Variants in TBC1D22B observed in about 807,000 individuals in gnomAD.
The protein encoded by TBC1D22B is chromosome 6 open reading frame 197.
Under a neutral mutation model 69.1 loss-of-function variants are expected in TBC1D22B, and 32 were observed. The observed-to-expected ratio is 0.46, with a 90% confidence interval of 0.35 to 0.62. The LOEUF is 0.62. Ranked by LOEUF, TBC1D22B falls within the 20% of genes least tolerant of loss-of-function variation. The pLI is 0.00. For missense variants in TBC1D22B, 462 were observed against 630.9 expected, an observed-to-expected ratio of 0.73 and a Z score of 2.87; for synonymous variants, 206 against 229.8, an observed-to-expected ratio of 0.90 and a Z score of 0.94.
At chr6:37,280,227 T>C (rs530582042) in intron 3 of TBC1D22B, among the ~76,000 whole-genome samples, 99 of 152,298 alleles carry the variant, frequency 6.5e-4, no homozygotes, top group African/African-American at 2.0e-3. Flanking sequence ...TTTATTAGCT[T>C]TTGGGGACTC....
At chr6:37,329,748 T>C (rs1768529179) in intron 12 of TBC1D22B, among the ~76,000 whole-genome samples, 1 of 152,196 alleles carries the variant, frequency 6.6e-6, no homozygotes, top group African/African-American at 2.4e-5. Flanking sequence ...CTTCAACACA[T>C]GCTTTAACTT....
In TBC1D22B at chr6:37,332,545, C is replaced by T. The variant is rs1260327315; in HGVS notation, c.*1373C>T. On this transcript the variant is annotated 3_prime_UTR_variant, in exon 13 of 13. Transcript: ENST00000373491. ...CAGCACTCCATATCCCTTACTGTCA[C>T]CTTCACTCCCCACACAGCTCATGAG... The T allele has an allele frequency of 6.6e-6, 1 of 152,506 alleles. No homozygotes were observed. Among genetic ancestry groups the T allele is most frequent in the East Asian group, 1.9e-4 (1 of 5,192 alleles). The allele number at this position is 152,506 out of a possible 1,614,324, so 9.4% of individuals were successfully genotyped here.
At chr6:37,312,008 T>C (rs998769553) in intron 8 of TBC1D22B, among the ~76,000 whole-genome samples, 4 of 152,250 alleles carry the variant, frequency 2.6e-5, no homozygotes, top group African/African-American at 9.6e-5. Context: ...AGGCTGCTTA[T>C]GTTTTCCTCA....
At chr6:37,277,333 C>G (rs759733383) in intron 2 of TBC1D22B, among the ~76,000 whole-genome samples, 19 of 152,202 alleles carry the variant, frequency 1.2e-4, no homozygotes, top group African/African-American at 4.3e-4. Flanking sequence ...GACAGCGAAT[C>G]CCCTGAGGTG....
intron 8 of TBC1D22B, among the ~76,000 whole-genome samples, chr6:37,301,422 G>A (rs1441564648): frequency 2.0e-5 from 3 of 151,970 alleles, no homozygotes; most frequent in Admixed American, 2.0e-4. Context: ...TGTATCCCTG[G>A]GCAACCACTA....
intron 8 of TBC1D22B, among the ~76,000 whole-genome samples, chr6:37,297,266 G>A (rs1211961951): frequency 6.6e-6 from 1 of 152,148 alleles, no homozygotes; most frequent in South Asian, 2.1e-4. Context: ...TCAGAGCTGC[G>A]TATTATAGTT....
rs1303659354 is a variant in TBC1D22B, at chr6:37,316,825, T to C, written c.1288T>C (p.Tyr430His). ...CTGCACCATCCGCCTGTGGGACACA[T>C]ATCAGGTAGGAGGGATTCCCCGGCC... ...LRCTIRLWDTYQSEPEGFSHF... is the reference protein window; with the variant it reads ...LRCTIRLWDTHQSEPEGFSHF... Residue 430 changes from tyrosine to histidine, a missense_variant, in exon 11 of 13, where the codon TAT (tyrosine) becomes CAT (histidine). Tyr to His is a moderately conservative substitution (Grantham distance 83, BLOSUM62 2). Coordinates refer to ENST00000373491, the MANE Select transcript of TBC1D22B (RefSeq NM_017772.4). 3 of 1,614,052 alleles carry C rather than the reference T, an allele frequency of 1.9e-6. No individual in the cohort carries two copies. Among genetic ancestry groups the C allele is most frequent in the South Asian group, 1.1e-5 (1 of 91,086 alleles).
chr6:37,287,133 T>C (rs1767031308), intron 7 of TBC1D22B, 61 bp downstream of exon 7: 1 of 1,425,356 alleles, frequency 7.0e-7, no homozygotes, highest in Non-Finnish European at 9.6e-7. Context: ...GGCACCTGTT[T>C]ACAGGTTTGC....
intron 8 of TBC1D22B, among the ~76,000 whole-genome samples, chr6:37,295,045 CAATT>C (rs1481823820): frequency 6.6e-6 from 1 of 152,124 alleles, no homozygotes; most frequent in African/African-American, 2.4e-5. Context: ...TACATAAACT[CAATT>C]AGTAAAGCAG....
chr6:37,266,007 C>G (rs1766259750), intron 1 of TBC1D22B, among the ~76,000 whole-genome samples: 1 of 152,200 alleles, frequency 6.6e-6, no homozygotes, highest in African/African-American at 2.4e-5. Flanking sequence ...TTCTTGGGCA[C>G]TGAGTGTTTG....
intron 2 of TBC1D22B, among the ~76,000 whole-genome samples, chr6:37,276,837 G>A (rs530212299): frequency 6.6e-6 from 1 of 152,238 alleles, no homozygotes; most frequent in South Asian, 2.1e-4. Flanking sequence ...GTTGCAGTGA[G>A]CCTAGATCGC....
chr6:37,289,410 A>AT (rs1410732646), intron 7 of TBC1D22B, among the ~76,000 whole-genome samples: 3 of 152,186 alleles, frequency 2.0e-5, no homozygotes, highest in Non-Finnish European at 2.9e-5. Flanking sequence ...CGAACATCCC[A>AT]TGGTCTCCCC....
intron 12 of TBC1D22B, among the ~76,000 whole-genome samples, chr6:37,318,093 C>T (rs1242333040): frequency 6.6e-6 from 1 of 152,128 alleles, no homozygotes; most frequent in African/African-American, 2.4e-5. Context: ...TTCAGTAGGG[C>T]CACCCTGGCT....
At chr6:37,295,721 G>A (rs552046273) in intron 8 of TBC1D22B, 1 of 328,728 alleles carries the variant, frequency 3.0e-6, no homozygotes, top group Non-Finnish European at 6.0e-6. Context: ...TCGATTCCCT[G>A]GTCTCTTCCC....
intron 8 of TBC1D22B, chr6:37,295,603 A>G (rs1055992751): frequency 9.1e-6 from 4 of 438,338 alleles, no homozygotes; most frequent in South Asian, 5.7e-5. Flanking sequence ...TAAGAGAAAC[A>G]CAATTGCAGT....
At chr6:37,308,118 T>G (rs1178218861) in intron 8 of TBC1D22B, among the ~76,000 whole-genome samples, 1 of 152,232 alleles carries the variant, frequency 6.6e-6, no homozygotes, top group Non-Finnish European at 1.5e-5. Context: ...GCTTTTGAGC[T>G]TCCTCCTTGT....
chr6:37,275,787 T>A (rs1199998838), intron 2 of TBC1D22B, among the ~76,000 whole-genome samples: 1 of 152,212 alleles, frequency 6.6e-6, no homozygotes, highest in Non-Finnish European at 1.5e-5. Context: ...TGTATTTATT[T>A]GTGAATTTAT....
Position 37,282,899 on chromosome 6 carries a change from A to G in TBC1D22B, c.619A>G (p.Ser207Gly), listed in dbSNP as rs1562047973. The G allele has an allele frequency of 6.2e-7, 1 of 1,614,104 alleles. No homozygotes were observed. The highest frequency in any genetic ancestry group is 8.5e-7 in the Non-Finnish European group (1 of 1,179,948). ...NTDLDELRKC[S>G]WPGVPREVRP... The stretch of plus-strand genomic sequence containing the variant: ...ATTTACAGATGAACTGAGGAAGTGT[A>G]GCTGGCCAGGGGTTCCCAGGGAGGT... The change falls in exon 5 of 13, where the codon AGC becomes GGC. Residue 207 changes from serine (S) to glycine (G), a missense_variant. Physicochemically the swap from Ser to Gly is moderately conservative, Grantham distance 56. Around this residue, in one of 2 missense-constraint regions of TBC1D22B, gnomAD observed 237 missense variants for 255.4 expected, o/e 0.93. Coordinates refer to ENST00000373491, the MANE Select transcript of TBC1D22B (RefSeq NM_017772.4).
At chr6:37,270,324 A>G (rs549727600) in intron 2 of TBC1D22B, among the ~76,000 whole-genome samples, 1 of 152,018 alleles carries the variant, frequency 6.6e-6, no homozygotes, top group Non-Finnish European at 1.5e-5. Context: ...GGTGGCAGGC[A>G]GCTGTAATCC....
Sources: gnomAD v4.1 joint callset for allele counts (sites outside exome capture counted in the v4.1 genomes callset) on GRCh38, gnomAD v4.1.1 for gene constraint, gnomAD v4.1.1 regional missense constraint, MANE v1.5 for transcripts, NCBI Gene and HGNC (gene_info 2026-07-23, HGNC 2026-07-21) for gene names.